The following GPC5 variants were observed in gnomAD, a reference collection of about 807,000 sequenced individuals.
GPC5 encodes the protein glypican 5.
GPC5 carries 47 observed loss-of-function variants against 53.9 expected under a neutral mutation model. The observed-to-expected ratio is 0.87, with a 90% CI of 0.69 to 1.11. GPC5 has a LOEUF of 1.11. Ranked by LOEUF, GPC5 falls within the 50% of genes most tolerant of loss-of-function variation. The pLI, the probability that GPC5 is intolerant of heterozygous loss-of-function variation, is 0.00. For synonymous variants in GPC5, 286 were observed against 263.3 expected, an observed-to-expected ratio of 1.09 and a Z score of -0.84; for missense variants, 748 against 713.1, an observed-to-expected ratio of 1.05 and a Z score of -0.56.
chr13:92,217,096 T>G (rs1304845775), intron 7 of GPC5, among the ~76,000 whole-genome samples: 1 of 152,150 alleles, frequency 6.6e-6, no homozygotes, highest in Non-Finnish European at 1.5e-5. Context: ...ACTTACCACC[T>G]TCTCTAAAGA....
Position 91,693,436 on chromosome 13 carries a change from A to T in GPC5, c.575A>T (p.Glu192Val), listed in dbSNP as rs1353472465. The T allele has an allele frequency of 1.9e-6, 3 of 1,614,024 alleles. No homozygotes were observed. Among genetic ancestry groups the T allele is most frequent in the African/African-American group, 2.7e-5 (2 of 74,898 alleles). ...ACTGACAGTTCCCTGGAATACTCAGAATGCATCCGGATGGCTCGCCGGGAT... is the reference window on the plus strand; with the variant it reads ...ACTGACAGTTCCCTGGAATACTCAGTATGCATCCGGATGGCTCGCCGGGAT... ...GVTDSSLEYS[E>V]CIRMARRDVS... The change falls in exon 3 of 8, where the codon GAA (glutamate) becomes GTA (valine). Residue 192 changes from glutamate (E) to valine (V), a missense_variant. By Grantham distance (121) the Glu-to-Val change is moderately radical. Transcript: ENST00000377067.
At chr13:92,775,558 G>T (rs531001350) in intron 7 of GPC5, among the ~76,000 whole-genome samples, 1 of 152,248 alleles carries the variant, frequency 6.6e-6, no homozygotes, top group South Asian at 2.1e-4. Flanking sequence ...AGAATCCATT[G>T]TCCAGGTAAA....
At chr13:92,249,988 A>G (rs1242770293) in intron 7 of GPC5, among the ~76,000 whole-genome samples, 4 of 151,678 alleles carry the variant, frequency 2.6e-5, no homozygotes, top group Non-Finnish European at 2.9e-5. Flanking sequence ...CAAGTGATCA[A>G]TATAACTCAG....
chr13:91,973,425 G>T (rs1288599296), intron 6 of GPC5, among the ~76,000 whole-genome samples: 1 of 152,158 alleles, frequency 6.6e-6, no homozygotes, highest in African/African-American at 2.4e-5. Context: ...TCCTCCTGTA[G>T]CTTGGAGTGG....
At chr13:92,012,446 A>G (rs535365897) in intron 6 of GPC5, among the ~76,000 whole-genome samples, 230 of 152,310 alleles carry the variant, frequency 1.5e-3, no homozygotes, top group Non-Finnish European at 2.8e-3. Flanking sequence ...TTCTTCTTGC[A>G]TATTTGGATG....
intron 6 of GPC5, among the ~76,000 whole-genome samples, chr13:91,929,016 T>C (rs2139028708): frequency 6.6e-6 from 1 of 152,244 alleles, no homozygotes; most frequent in Non-Finnish European, 1.5e-5. Context: ...TTCTTTTCCT[T>C]GACAGTGAAG....
At chr13:92,798,820 T>A (rs1876798563) in intron 7 of GPC5, among the ~76,000 whole-genome samples, 1 of 151,856 alleles carries the variant, frequency 6.6e-6, no homozygotes, top group South Asian at 2.1e-4. Context: ...AAATTGTAAG[T>A]CACGTGAATT....
chr13:92,694,929 T>G (rs979686021), intron 7 of GPC5, among the ~76,000 whole-genome samples: 1 of 152,092 alleles, frequency 6.6e-6, no homozygotes, highest in Non-Finnish European at 1.5e-5. Context: ...ATTAGATCGG[T>G]GTAGGGTGGG....
chr13:92,065,988 T>C (rs940650967), intron 6 of GPC5, among the ~76,000 whole-genome samples: 4 of 152,110 alleles, frequency 2.6e-5, no homozygotes, highest in Non-Finnish European at 5.9e-5. Flanking sequence ...AAAGATATTA[T>C]TTTAAGTATG....
chr13:92,039,671 G>A (rs981306106), intron 6 of GPC5, among the ~76,000 whole-genome samples: 2 of 152,174 alleles, frequency 1.3e-5, no homozygotes, highest in Non-Finnish European at 2.9e-5. Context: ...GCATGAGATC[G>A]AGGTATGGGT....
intron 7 of GPC5, among the ~76,000 whole-genome samples, chr13:92,780,976 A>G (rs563828979): frequency 3.3e-5 from 5 of 152,218 alleles, no homozygotes; most frequent in African/African-American, 1.2e-4. Flanking sequence ...GATAGTAGAC[A>G]TTACAAAATC....
At chr13:91,775,979 C>G (rs1157885075) in intron 5 of GPC5, among the ~76,000 whole-genome samples, 6 of 152,222 alleles carry the variant, frequency 3.9e-5, no homozygotes, top group Admixed American at 3.9e-4. Flanking sequence ...ATCGTTGTGT[C>G]TGCCACTAAA....
chr13:91,403,381 C>T (rs1877092883), intron 1 of GPC5, among the ~76,000 whole-genome samples: 1 of 151,986 alleles, frequency 6.6e-6, no homozygotes, highest in Non-Finnish European at 1.5e-5. Flanking sequence ...TTGTGGTGGG[C>T]TATTATTATA....
rs537026807 is a variant in GPC5, at chr13:92,274,414, A to G, written c.1561+129425A>G. On this transcript the variant is annotated intron_variant, in intron 7 of 7. Coordinates refer to ENST00000377067, the MANE Select transcript of GPC5 (RefSeq NM_004466.6). ...CAGACCAGCATCATCTACCCTCTCC[A>G]TGAGGCATGCAAACATACCACCCTT... is the stretch of plus-strand genomic sequence containing the variant. 2.0e-5 allele frequency among the ~76,000 whole-genome samples: 3 copies of G among 152,164 alleles called. No homozygotes were observed. The South Asian group carries it at 6.2e-4, about 32-fold the overall frequency.
At chr13:92,315,055 G>A (rs2043169898) in intron 7 of GPC5, among the ~76,000 whole-genome samples, 1 of 152,200 alleles carries the variant, frequency 6.6e-6, no homozygotes, top group Non-Finnish European at 1.5e-5. Flanking sequence ...GGGATTACAG[G>A]TATGAGCCAC....
chr13:92,825,643 G>A (rs1007107744), intron 7 of GPC5, among the ~76,000 whole-genome samples: 2 of 151,994 alleles, frequency 1.3e-5, no homozygotes, highest in African/African-American at 4.8e-5. Flanking sequence ...GTACAAAAGT[G>A]CTGTCTACTG....
At chr13:92,508,252 G>A (rs1052607262) in intron 7 of GPC5, among the ~76,000 whole-genome samples, 12 of 152,296 alleles carry the variant, frequency 7.9e-5, no homozygotes, top group Middle Eastern at 3.4e-3. Flanking sequence ...GTGAGCCACT[G>A]TGCATGGCCT....
chr13:92,585,824 G>A (rs1258545084), intron 7 of GPC5, among the ~76,000 whole-genome samples: 1 of 152,094 alleles, frequency 6.6e-6, no homozygotes. Flanking sequence ...GATGGTAAGG[G>A]GGAGTTGTCC....
intron 7 of GPC5, among the ~76,000 whole-genome samples, chr13:92,626,654 G>C (rs547406410): frequency 3.2e-4 from 49 of 152,188 alleles, no homozygotes; most frequent in South Asian, 8.3e-4. Context: ...TTTAATGCTG[G>C]GTTGGATTAA....
Sources: gnomAD v4.1 joint callset for allele counts (sites outside exome capture counted in the v4.1 genomes callset) on GRCh38, gnomAD v4.1.1 for gene constraint, MANE v1.5 for transcripts, NCBI Gene and HGNC (gene_info 2026-07-23, HGNC 2026-07-21) for gene names.